The following SPMAP2L variants were observed in gnomAD, a reference collection of about 807,000 sequenced individuals.
The protein encoded by SPMAP2L is sperm microtubule associated protein 2-like.
the SPMAP2L span, among the ~76,000 whole-genome samples, chr4:56,563,569 G>A: frequency 6.6e-6 from 1 of 152,082 alleles, no homozygotes; most frequent in Non-Finnish European, 1.5e-5. Context: ...GAAGGATGAA[G>A]ATATTATTAT....
chr4:56,558,995 G>A, the SPMAP2L span, among the ~76,000 whole-genome samples: 36 of 152,004 alleles, frequency 2.4e-4, no homozygotes, highest in African/African-American at 8.7e-4. Flanking sequence ...GTGGAGTGGT[G>A]TGATATTGGC....
At chr4:56,550,592 G>A in the SPMAP2L span, among the ~76,000 whole-genome samples, 1 of 152,154 alleles carries the variant, frequency 6.6e-6, no homozygotes, top group African/African-American at 2.4e-5. Flanking sequence ...TGTATGCTGA[G>A]TGAGCAAGCT....
chr4:56,579,416 G>T, the SPMAP2L span, among the ~76,000 whole-genome samples: 1 of 151,954 alleles, frequency 6.6e-6, no homozygotes, highest in Admixed American at 6.6e-5. Flanking sequence ...CATACCAAAG[G>T]TTATGAGATG....
the SPMAP2L span, among the ~76,000 whole-genome samples, chr4:56,600,097 C>CTTTTTTTTTTTTTTTTTTTTTTTTTTTT: frequency 9.1e-5 from 8 of 87,804 alleles, no homozygotes; most frequent in African/African-American, 3.0e-4. Flanking sequence ...TCTTTGCTTT[C>CTTTTTTTTTTTTTTTTTTTTTTTTTTTT]TTTTTTTTTT....
chr4:56,601,583 AC>A, the SPMAP2L span, among the ~76,000 whole-genome samples: 3 of 151,884 alleles, frequency 2.0e-5, no homozygotes, highest in Admixed American at 1.3e-4. Context: ...ACAAAGTGAG[AC>A]CCCCATCTCT....
the SPMAP2L span, among the ~76,000 whole-genome samples, chr4:56,551,049 G>C: frequency 6.6e-6 from 1 of 151,936 alleles, no homozygotes; most frequent in Non-Finnish European, 1.5e-5. Flanking sequence ...CTCCTCCCAC[G>C]GTGCATCAAT....
the SPMAP2L span, among the ~76,000 whole-genome samples, chr4:56,600,727 A>G: frequency 5.3e-5 from 8 of 152,114 alleles, no homozygotes; most frequent in Non-Finnish European, 1.2e-4. Flanking sequence ...CACAGAACAC[A>G]CTCATTATAT....
chr4:56,593,651 G>A, the SPMAP2L span: 6 of 1,605,268 alleles, frequency 3.7e-6, no homozygotes, highest in Admixed American at 1.7e-5. Flanking sequence ...ACCCCACGCA[G>A]CATTTTTTGC....
At chr4:56,534,780 A>T in the SPMAP2L span, among the ~76,000 whole-genome samples, 4 of 152,098 alleles carry the variant, frequency 2.6e-5, no homozygotes, top group African/African-American at 9.7e-5. Flanking sequence ...TACAAAAAAA[A>T]TAGCTAGGCG....
At chr4:56,548,567 A>C in the SPMAP2L span, among the ~76,000 whole-genome samples, 1 of 152,162 alleles carries the variant, frequency 6.6e-6, no homozygotes, top group Non-Finnish European at 1.5e-5. Context: ...AAATCCAGGG[A>C]TCAAGTAGAT....
chr4:56,556,452 C>T, the SPMAP2L span, among the ~76,000 whole-genome samples: 2 of 152,148 alleles, frequency 1.3e-5, no homozygotes, highest in East Asian at 1.9e-4. Flanking sequence ...GAGGAAGATA[C>T]ATTAGGTCAT....
At chr4:56,572,627 T>G in the SPMAP2L span, among the ~76,000 whole-genome samples, 4 of 152,246 alleles carry the variant, frequency 2.6e-5, no homozygotes, top group African/African-American at 9.6e-5. Context: ...ATATGCTTTT[T>G]GTTTCTCTCT....
chr4:56,561,618 C>T, the SPMAP2L span, among the ~76,000 whole-genome samples: 5 of 152,162 alleles, frequency 3.3e-5, no homozygotes, highest in Admixed American at 2.0e-4. Context: ...TGAGAACTCA[C>T]TCACTACCGA....
At chr4:56,534,755 C>T in the SPMAP2L span, among the ~76,000 whole-genome samples, 1 of 152,080 alleles carries the variant, frequency 6.6e-6, no homozygotes, top group Non-Finnish European at 1.5e-5. Flanking sequence ...GGTGAAACCC[C>T]GTCTCTGCTA....
the SPMAP2L span, among the ~76,000 whole-genome samples, chr4:56,576,564 C>G: frequency 1.3e-5 from 2 of 152,198 alleles, no homozygotes; most frequent in African/African-American, 4.8e-5. Flanking sequence ...TTTTCAAGCC[C>G]AGGCTGGAAC....
chr4:56,559,801 T>C, the SPMAP2L span, among the ~76,000 whole-genome samples: 12,748 of 152,176 alleles, frequency 0.084, 756 homozygotes, highest in East Asian at 0.18. Flanking sequence ...GCTCCTGACA[T>C]TGTGACCTGC....
chr4:56,533,056 A>G, the SPMAP2L span, among the ~76,000 whole-genome samples: 1 of 151,932 alleles, frequency 6.6e-6, no homozygotes, highest in African/African-American at 2.4e-5. Context: ...GTCTCTCCTC[A>G]CCTTATATTC....
the SPMAP2L span, chr4:56,594,376 G>A: frequency 6.3e-7 from 1 of 1,574,810 alleles, no homozygotes; most frequent in Non-Finnish European, 8.7e-7. Context: ...CTATCACATG[G>A]AAAGAATTTG....
the SPMAP2L span, chr4:56,552,466 C>T: frequency 3.6e-5 from 23 of 637,884 alleles, no homozygotes; most frequent in Admixed American, 1.0e-4. Context: ...TCTTTTTTTT[C>T]CCCCCTCCTA....
Sources: gnomAD v4.1 joint callset for allele counts (sites outside exome capture counted in the v4.1 genomes callset) on GRCh38, gnomAD v4.1.1 for gene constraint, MANE v1.5 for transcripts, NCBI Gene and HGNC (gene_info 2026-07-23, HGNC 2026-07-21) for gene names.